Variants in PDZD4 observed in about 807,000 individuals in gnomAD.
PDZD4 encodes the protein PDZ domain-containing protein 4.
A neutral mutation model predicts 38.5 loss-of-function variants in PDZD4; 9 were observed. That is an observed-to-expected ratio of 0.23 (90% confidence interval 0.14 to 0.41). The LOEUF (loss-of-function observed/expected upper bound fraction) is 0.41. Among genes scored for constraint, PDZD4 ranks in the 10% least tolerant of loss-of-function variants. The pLI is 1.00. For missense variants in PDZD4, 612 were observed against 722.0 expected (o/e 0.85, Z 1.75); for synonymous variants, 349 against 315.7 (o/e 1.11, Z -1.12).
At chrX:153,807,413 C>A (rs782658796) in intron 2 of PDZD4, 44 bp from the exon 3 acceptor site, 4 of 1,122,156 alleles carry the variant, frequency 3.6e-6, no homozygotes, top group Non-Finnish European at 4.8e-6. Context: ...GCCATCCTCT[C>A]ACACCTCAGC....
chrX:153,822,274 C>T (rs1200096887), intron 1 of PDZD4, among the ~76,000 whole-genome samples: 1 of 109,890 alleles, frequency 9.1e-6, no homozygotes, highest in Non-Finnish European at 1.9e-5. Context: ...AAGCCATTCT[C>T]AAGATCAACC....
rs190338888 is a variant in PDZD4, at chrX:153,807,584, C to T, written c.315-215G>A. Among the ~76,000 whole-genome samples the T allele has an allele frequency of 1.8e-3, 200 of 113,437 alleles. 1 individual carries two copies. Among genetic ancestry groups the T allele is most frequent in the African/African-American group, 6.2e-3 (194 of 31,372 alleles). ...GCACTTCTCGCACCTGAGTGTGCAG[C>T]GTCCACGCAGAGGACCTGCGCATGC... On this transcript the variant is annotated intron_variant, in intron 2 of 7. Transcript: ENST00000393758.
chrX:153,828,124 G>A (rs782732615), intron 1 of PDZD4, among the ~76,000 whole-genome samples: 2 of 111,921 alleles, frequency 1.8e-5, no homozygotes, highest in South Asian at 3.7e-4. Flanking sequence ...CCGTGTTTAA[G>A]GAGGCCGGGA....
chrX:153,826,510 G>T (rs1557082554), intron 1 of PDZD4, among the ~76,000 whole-genome samples: 1 of 109,862 alleles, frequency 9.1e-6, no homozygotes, highest in African/African-American at 3.3e-5. Flanking sequence ...TGGGGTTCAT[G>T]CGATTCTCTT....
rs1414096391 is a variant in PDZD4 at position 153,830,441 on chromosome X, ACGCCCCCGAGGTGGGGGCAGCGGCT to A, written c.-168_-144del. On this transcript the variant is annotated 5_prime_UTR_variant, in exon 1 of 8. An upstream open reading frame in the 5' UTR loses its in-frame stop. Coordinates refer to ENST00000393758, the MANE Select transcript of PDZD4 (RefSeq NM_001303512.2). ...GGGCCGCCTAGCGGGGGAGGGGGGCACGCCCCCGAGGTGGGGGCAGCGGCTCGCCCCTCAGGTTAACTCTTCGCTG... is the reference window on the plus strand; with the variant it reads ...GGGCCGCCTAGCGGGGGAGGGGGGCACGCCCCTCAGGTTAACTCTTCGCTG... The A allele has an allele frequency of 1.6e-5, 7 of 439,700 alleles. No homozygotes were observed. Among genetic ancestry groups the A allele is most frequent in the African/African-American group, 1.4e-4 (5 of 36,937 alleles). The allele number at this position is 439,700 out of a possible 1,213,427, so 36.2% of individuals were successfully genotyped here.
In PDZD4 at chrX:153,803,070, A is replaced by C; in HGVS notation, c.*283T>G. 8 of 234,023 alleles carry C rather than the reference A, an allele frequency of 3.4e-5. No homozygotes were observed. The highest frequency in any genetic ancestry group is 1.3e-4 in the East Asian group (2 of 15,025). 19.3% of individuals were successfully genotyped at this position (234,023 alleles called of 1,213,427 possible). A position where few individuals can be genotyped will look rare whatever the true frequency, so the allele number is the denominator to read the frequency against. On this transcript the variant is annotated 3_prime_UTR_variant, in exon 8 of 8. Coordinates refer to ENST00000393758, the MANE Select transcript of PDZD4 (RefSeq NM_001303512.2). Reference sequence around the variant, plus strand: ...CACGCAAGAGCATGGGGGATGGGGAATGCACACGCACAGCTGAAGGGGTGC... The same window carrying C: ...CACGCAAGAGCATGGGGGATGGGGACTGCACACGCACAGCTGAAGGGGTGC...
At chrX:153,816,196 C>T (rs1232167327) in intron 1 of PDZD4, among the ~76,000 whole-genome samples, 1 of 104,014 alleles carries the variant, frequency 9.6e-6, no homozygotes, top group Non-Finnish European at 2.0e-5. Flanking sequence ...GGCTCCCAGG[C>T]CTGTCGGGGG....
chrX:153,830,329 G>A lies in PDZD4; in HGVS notation c.-31C>T. ...TGGCCGGCGAGAGGAGGCGGAGGGC[G>A]GGAACGGGAAGACGCCTTTCACTGA... On this transcript the variant is annotated 5_prime_UTR_variant, in exon 1 of 8. Coordinates refer to ENST00000393758, the MANE Select transcript of PDZD4 (RefSeq NM_001303512.2). 2.5e-6 allele frequency: 3 copies of A among 1,185,310 alleles called. No individual in the cohort carries two copies. Among genetic ancestry groups the A allele is most frequent in the South Asian group, 3.6e-5 (2 of 55,484 alleles).
rs2092183420 is a variant in PDZD4 at position 153,803,065 on chromosome X, G to A, written c.*288C>T. ...AAGCACACGCAAGAGCATGGGGGAT[G>A]GGGAATGCACACGCACAGCTGAAGG... On this transcript the variant is annotated 3_prime_UTR_variant, in exon 8 of 8. Transcript: ENST00000393758. 4.2e-6 allele frequency: 1 copy of A among 240,938 alleles called. No individual in the cohort carries two copies. The highest frequency in any genetic ancestry group is 6.3e-5 in the East Asian group (1 of 15,849). 19.9% of individuals were successfully genotyped at this position (240,938 alleles called of 1,213,427 possible). A position where few individuals can be genotyped will look rare whatever the true frequency, so the allele number is the denominator to read the frequency against.
rs781992337 is a variant in PDZD4 at position 153,803,688 on chromosome X, C to T, written c.1993G>A (p.Gly665Ser). Residue 665 changes from glycine (G) to serine (S), a missense_variant, in exon 8 of 8, where the codon GGT becomes AGT. Physicochemically the swap from Gly to Ser is moderately conservative, Grantham distance 56. This residue lies in a region of PDZD4 where 87 missense variants were observed against 126.3 expected (regional missense o/e 0.69). Coordinates refer to ENST00000393758, the MANE Select transcript of PDZD4 (RefSeq NM_001303512.2). ...ACCGCGTCGTCGTCGGTCGTCATAC[C>T]GCTGCGCTCCTCCCGGATCTTCAGG... ...RALKIREERS[G>S]MTTDDDAVSE... 8.3e-7 allele frequency: 1 copy of T among 1,210,507 alleles called. No individual in the cohort carries two copies. Among genetic ancestry groups the T allele is most frequent in the Non-Finnish European group, 1.1e-6 (1 of 895,600 alleles).
chrX:153,810,700 T>C (rs2064301241), intron 1 of PDZD4, among the ~76,000 whole-genome samples: 1 of 112,552 alleles, frequency 8.9e-6, no homozygotes, highest in Non-Finnish European at 1.9e-5. Context: ...GGCAAAATCT[T>C]GTCTTAGTGC....
At chrX:153,809,872 G>A (rs1334230030) in intron 1 of PDZD4, among the ~76,000 whole-genome samples, 6 of 112,996 alleles carry the variant, frequency 5.3e-5, no homozygotes, top group Non-Finnish European at 7.5e-5. Context: ...GCAGCTCTGC[G>A]GGATGCTGTA....
At chrX:153,824,443 G>A (rs1047420861) in intron 1 of PDZD4, among the ~76,000 whole-genome samples, 2 of 111,464 alleles carry the variant, frequency 1.8e-5, no homozygotes, top group Non-Finnish European at 3.8e-5. Flanking sequence ...GGAGGCCAGC[G>A]TGGATGTGCT....
At position 153,805,604 on chromosome X, in the gene PDZD4, A is replaced by G; in HGVS notation, c.570T>C (p.Ile190=). ...RIREGDRIIQ[I]NGVDVQNREE... ...CCCGGTTCTGGACGTCTACACCGTT[A>G]ATCTGAGGCAGGCAGGATACAATCA... Residue 190 remains isoleucine (I), a splice_region_variant and synonymous_variant, in exon 6 of 8, where the codon ATT becomes ATC. Transcript: ENST00000393758. The G allele has an allele frequency of 8.3e-7, 1 of 1,202,055 alleles. No individual in the cohort carries two copies. The highest frequency in any genetic ancestry group is 1.1e-6 in the Non-Finnish European group (1 of 887,990).
chrX:153,828,054 G>C (rs1243505958), intron 1 of PDZD4, among the ~76,000 whole-genome samples: 1 of 111,536 alleles, frequency 9.0e-6, no homozygotes, highest in Non-Finnish European at 1.9e-5. Flanking sequence ...CCCTGACAAG[G>C]TGCGGACGAG....
intron 1 of PDZD4, among the ~76,000 whole-genome samples, chrX:153,816,654 C>A (rs782019110): frequency 9.0e-4 from 101 of 112,046 alleles, no homozygotes; most frequent in African/African-American, 3.2e-3. Context: ...TGGGAGGGGA[C>A]AGAGACAAAG....
Position 153,803,290 on chromosome X carries a change from G to C in PDZD4, c.*63C>G. 1 of 960,574 alleles carries C rather than the reference G, an allele frequency of 1.0e-6. No homozygotes were observed. The highest frequency in any genetic ancestry group is 1.4e-6 in the Non-Finnish European group (1 of 721,949). The allele number at this position is 960,574 out of a possible 1,213,427, so 79.2% of individuals were successfully genotyped here. ...ACACACACACACACAATCTCTATAGGAGAGTGAGGGCCGGGGCCCCAGGGG... is the reference window on the plus strand; with the variant it reads ...ACACACACACACACAATCTCTATAGCAGAGTGAGGGCCGGGGCCCCAGGGG... On this transcript the variant is annotated 3_prime_UTR_variant, in exon 8 of 8. Coordinates refer to ENST00000393758, the MANE Select transcript of PDZD4 (RefSeq NM_001303512.2).
chrX:153,811,172 T>C (rs1402425234), intron 1 of PDZD4, among the ~76,000 whole-genome samples: 1 of 109,129 alleles, frequency 9.2e-6, no homozygotes, highest in Non-Finnish European at 1.9e-5. Context: ...AGTCTTGCTC[T>C]GTCATCCAGG....
rs138592391 is a variant in PDZD4 at position 153,817,760 on chromosome X, G to A, written c.61-9165C>T. The stretch of plus-strand genomic sequence containing the variant: ...TATCCTCACAGCAGTGAGGAAGACC[G>A]AGGAAGGAAGGACTCAGGGATTAGG... On this transcript the variant is annotated intron_variant, in intron 1 of 7. Coordinates refer to ENST00000393758, the MANE Select transcript of PDZD4 (RefSeq NM_001303512.2). 2.0e-3 allele frequency among the ~76,000 whole-genome samples: 220 copies of A among 112,051 alleles called. 1 individual carries two copies. Among genetic ancestry groups the A allele is most frequent in the East Asian group, 0.018 (66 of 3,579 alleles).
Sources: allele counts gnomAD v4.1 joint callset (sites outside exome capture counted in the v4.1 genomes callset), GRCh38; gene constraint gnomAD v4.1.1; regional missense constraint gnomAD v4.1.1; transcripts MANE v1.5; gene names NCBI Gene and HGNC (gene_info 2026-07-23, HGNC 2026-07-21).